The following ERO1B variants were observed in gnomAD, a reference collection of about 807,000 sequenced individuals.
The protein encoded by ERO1B is ERO1-like protein beta.
Under a neutral mutation model 75.3 loss-of-function variants are expected in ERO1B, and 49 were observed. The observed-to-expected ratio is 0.65, with a 90% CI of 0.52 to 0.83. The LOEUF is 0.83. Ranked by LOEUF, ERO1B falls within the 40% of genes least tolerant of loss-of-function variation. ERO1B has a pLI of 0.00. For synonymous variants in ERO1B, 191 were observed against 192.9 expected (o/e 0.99, Z 0.08); for missense variants, 512 against 560.1 (o/e 0.91, Z 0.87).
chr1:236,225,032 C>T (rs1228059095), intron 13 of ERO1B, 38 bp downstream of exon 13: 5 of 1,589,046 alleles, frequency 3.1e-6, no homozygotes, highest in Non-Finnish European at 3.5e-6. Flanking sequence ...AACCAGCAAA[C>T]TGCTCCCAAC....
intron 5 of ERO1B, among the ~76,000 whole-genome samples, chr1:236,246,043 A>T (rs1385952646): frequency 5.9e-5 from 9 of 152,220 alleles, no homozygotes; most frequent in Admixed American, 5.9e-4. Context: ...GTTGTAGAAC[A>T]GATAACTGAT....
chr1:236,250,478 A>G (rs911658701), intron 4 of ERO1B, among the ~76,000 whole-genome samples: 1 of 151,284 alleles, frequency 6.6e-6, no homozygotes, highest in Non-Finnish European at 1.5e-5. Context: ...TCTCAAAAAA[A>G]TAAATAAAAA....
At chr1:236,233,847 C>A (rs1349845700) in intron 8 of ERO1B, among the ~76,000 whole-genome samples, 1 of 152,008 alleles carries the variant, frequency 6.6e-6, no homozygotes, top group African/African-American at 2.4e-5. Flanking sequence ...TCAGTGAAAC[C>A]CTTGGGCAAG....
At chr1:236,261,437 G>T (rs1665292226) in intron 2 of ERO1B, among the ~76,000 whole-genome samples, 1 of 152,156 alleles carries the variant, frequency 6.6e-6, no homozygotes, top group Non-Finnish European at 1.5e-5. Context: ...TAATAAACTG[G>T]TGATAAATTC....
Position 236,269,907 on chromosome 1 carries a change from AT to A in ERO1B, c.189del (p.Lys63AsnfsTer15). The A allele has an allele frequency of 6.3e-7, 1 of 1,598,818 alleles. No individual in the cohort carries two copies. The highest frequency in any genetic ancestry group is 8.6e-7 in the Non-Finnish European group (1 of 1,166,308). ...TAACGAAAATAGTCTCTCTCTTGCAATTTTTTTATTTTGGGGAAGATTTTGT... is the reference window on the plus strand; with the variant it reads ...TAACGAAAATAGTCTCTCTCTTGCAATTTTTTATTTTGGGGAAGATTTTGT... ...NTYKIFPKIK[K>X]LQERDYFRYY... On this transcript the variant is annotated frameshift_variant, in exon 2 of 16. Coordinates refer to ENST00000354619, the MANE Select transcript of ERO1B (RefSeq NM_019891.4). LOFTEE classifies it high-confidence loss of function.
intron 6 of ERO1B, among the ~76,000 whole-genome samples, chr1:236,237,118 T>TC (rs1422114774): frequency 8.1e-6 from 1 of 124,092 alleles, no homozygotes; most frequent in Non-Finnish European, 1.6e-5. Context: ...TATTTGGACT[T>TC]TTTTTTTTTT....
intron 6 of ERO1B, among the ~76,000 whole-genome samples, chr1:236,239,914 T>TA (rs1420942098): frequency 7.0e-6 from 1 of 143,544 alleles, no homozygotes; most frequent in Non-Finnish European, 1.5e-5. Context: ...TATATATATT[T>TA]TTTTTTTTTG....
rs1199225555 is a variant in ERO1B, at chr1:236,243,509, G to T, written c.432-14C>A. ...TTGCTTTGATTACTATGGGAAGGAG[G>T]AATAAAAAAGAAAAATTATTAAATT... On this transcript the variant is annotated splice_polypyrimidine_tract_variant and intron_variant, in intron 5 of 15. Coordinates refer to ENST00000354619, the MANE Select transcript of ERO1B (RefSeq NM_019891.4). 14 of 1,549,488 alleles carry T rather than the reference G, an allele frequency of 9.0e-6. No individual in the cohort carries two copies. The highest frequency in any genetic ancestry group is 1.2e-5 in the Non-Finnish European group (14 of 1,138,778).
intron 13 of ERO1B, 108 bp downstream of exon 13, chr1:236,224,962 T>C: frequency 9.5e-7 from 1 of 1,049,692 alleles, no homozygotes; most frequent in Non-Finnish European, 1.5e-6. Context: ...TCAGACCAAC[T>C]CTGACAAGAA....
intron 6 of ERO1B, among the ~76,000 whole-genome samples, chr1:236,236,886 T>C (rs981533239): frequency 2.6e-5 from 4 of 152,180 alleles, no homozygotes; most frequent in Admixed American, 6.5e-5. Flanking sequence ...AACGGCTCCA[T>C]AACTTTGTGA....
At chr1:236,224,134 T>C (rs1664222411) in intron 13 of ERO1B, among the ~76,000 whole-genome samples, 2 of 152,106 alleles carry the variant, frequency 1.3e-5, no homozygotes, top group Non-Finnish European at 1.5e-5. Context: ...TAGCAAAATA[T>C]AAAAAATTCA....
At chr1:236,224,342 A>G (rs1749555) in intron 13 of ERO1B, among the ~76,000 whole-genome samples, 74,217 of 151,818 alleles carry the variant, frequency 0.49, 18,993 homozygotes, top group East Asian at 0.88. Flanking sequence ...GTGGCCAGGT[A>G]TGGTGGCTTG....
At chr1:236,229,920 G>A (rs1012020351) in intron 10 of ERO1B, among the ~76,000 whole-genome samples, 4 of 152,040 alleles carry the variant, frequency 2.6e-5, no homozygotes, top group East Asian at 1.9e-4. Flanking sequence ...TTGCATACTC[G>A]TTACTAGAGA....
At position 236,233,309 on chromosome 1, in the gene ERO1B, C is replaced by CA. The variant is rs747020101; in HGVS notation, c.674-471dup. Among the ~76,000 whole-genome samples the CA allele has an allele frequency of 6.7e-3, 694 of 103,112 alleles. 2 individuals are homozygous for CA. Among genetic ancestry groups the CA allele is most frequent in the Non-Finnish European group, 9.9e-3 (492 of 49,530 alleles). The allele number at this position is 103,112 out of a possible 152,430, so 67.6% of individuals were successfully genotyped here. A position where few individuals can be genotyped will look rare whatever the true frequency, so the allele number is the denominator to read the frequency against. ...GGGCAACAAGAGCAAAATTCCGTCT[C>CA]AAAAAAAAAAAAAAGAAGAAGGCTG... is the stretch of plus-strand genomic sequence containing the variant. On this transcript the variant is annotated intron_variant, in intron 8 of 15. Coordinates refer to ENST00000354619, the MANE Select transcript of ERO1B (RefSeq NM_019891.4).
At chr1:236,239,861 A>ATATATATATG (rs1553371281) in intron 6 of ERO1B, among the ~76,000 whole-genome samples, 6,892 of 25,220 alleles carry the variant, frequency 0.27, 369 homozygotes, top group Non-Finnish European at 0.32. Flanking sequence ...GTATATATGT[A>ATATATATATG]TATATATATG....
rs774345673 is a variant in ERO1B at position 236,226,290 on chromosome 1, A to G, written c.1031T>C (p.Leu344Pro). ...TTACTTTGTATCTTGAAAGATATTC[A>G]GTAGAAGAGTTTTTGTGTCAGCATC... is the stretch of plus-strand genomic sequence containing the variant. ...EEDADTKTLL[L>P]NIFQDTKSFP... The change falls in exon 12 of 16, where the codon CTG becomes CCG. Residue 344 changes from leucine to proline, a missense_variant. Leu to Pro is a moderately conservative substitution (Grantham distance 98). Transcript: ENST00000354619. The G allele has an allele frequency of 1.2e-6, 2 of 1,613,862 alleles. No homozygotes were observed. The highest frequency in any genetic ancestry group is 1.3e-5 in the African/African-American group (1 of 75,020).
At chr1:236,240,102 G>T (rs1664662688) in intron 6 of ERO1B, among the ~76,000 whole-genome samples, 1 of 151,268 alleles carries the variant, frequency 6.6e-6, no homozygotes, top group African/African-American at 2.4e-5. Context: ...GCAGGGTTTT[G>T]CCATGTTGGC....
intron 6 of ERO1B, among the ~76,000 whole-genome samples, chr1:236,239,837 GTATA>G (rs1259563965): frequency 3.1e-4 from 7 of 22,858 alleles, no homozygotes; most frequent in Admixed American, 5.7e-4. Flanking sequence ...ATATATATGT[GTATA>G]TATATATGTG....
At chr1:236,221,724 A>C (rs1664147576) in intron 14 of ERO1B, 200 bp downstream of exon 14, 1 of 510,948 alleles carries the variant, frequency 2.0e-6, no homozygotes, top group East Asian at 3.6e-5. Flanking sequence ...AAAATCACTA[A>C]AGAATAATAT....
Sources: gnomAD v4.1 joint callset for allele counts (sites outside exome capture counted in the v4.1 genomes callset) on GRCh38, gnomAD v4.1.1 for gene constraint, MANE v1.5 for transcripts, NCBI Gene and HGNC (gene_info 2026-07-23, HGNC 2026-07-21) for gene names.